Variants in BNC2 observed in about 807,000 individuals in gnomAD.
BNC2 encodes basonuclin zinc finger protein 2.
BNC2 carries 20 observed loss-of-function variants against 76.3 expected under a neutral mutation model. That is an observed-to-expected ratio of 0.26 (90% confidence interval 0.18 to 0.38). The LOEUF (loss-of-function observed/expected upper bound fraction) is 0.38, where lower values mean the gene tolerates loss of function less well. Ranked by LOEUF, BNC2 falls within the 10% of genes least tolerant of loss-of-function variation. BNC2 has a pLI of 1.00. For missense variants in BNC2, 1,382 were observed against 1,399.8 expected (o/e 0.99, Z 0.20); for synonymous variants, 582 against 514.8 (o/e 1.13, Z -1.77).
chr9:16,753,021 C>T (rs2135298831), intron 1 of BNC2, among the ~76,000 whole-genome samples: 1 of 152,240 alleles, frequency 6.6e-6, no homozygotes, highest in South Asian at 2.1e-4. Context: ...TATGAATATC[C>T]CAGGTCAAAT....
intron 1 of BNC2, among the ~76,000 whole-genome samples, chr9:16,858,191 T>A (rs922296155): frequency 3.3e-4 from 51 of 152,294 alleles, no homozygotes; most frequent in African/African-American, 1.2e-3. Context: ...CCCCCTTTCC[T>A]TTTGAGGTAT....
At chr9:16,578,450 C>G (rs963126179) in intron 4 of BNC2, among the ~76,000 whole-genome samples, 3 of 151,932 alleles carry the variant, frequency 2.0e-5, no homozygotes, top group East Asian at 1.9e-4. Context: ...ACAGCAAACT[C>G]CTATTGGTAA....
intron 1 of BNC2, chr9:16,867,878 G>C (rs1819580073): frequency 6.6e-6 from 1 of 152,156 alleles, no homozygotes; most frequent in Admixed American, 6.6e-5. Context: ...GACAGCACCA[G>C]GTCAGCGTGT....
intron 5 of BNC2, among the ~76,000 whole-genome samples, chr9:16,452,361 G>A (rs1751037663): frequency 6.6e-6 from 1 of 152,116 alleles, no homozygotes; most frequent in African/African-American, 2.4e-5. Flanking sequence ...GGCTTATGGA[G>A]TGAATAAATG....
rs1820607087 is a variant in BNC2 at position 16,417,373 on chromosome 9, T to G, written c.*1616A>C. On this transcript the variant is annotated 3_prime_UTR_variant, in exon 7 of 7. Transcript: ENST00000380672. ...TCTCCTCTTTCTCACTCTCAATTGC[T>G]TGGTTTCAGGCTTGCTTTCATTTCT... The G allele has an allele frequency of 6.6e-6, 1 of 152,342 alleles. No individual in the cohort carries two copies. Among genetic ancestry groups the G allele is most frequent in the Non-Finnish European group, 1.5e-5 (1 of 68,044 alleles). The allele number at this position is 152,342 out of a possible 1,614,324, so 9.4% of individuals were successfully genotyped here. A position where few individuals can be genotyped will look rare whatever the true frequency, so the allele number is the denominator to read the frequency against.
At chr9:16,664,264 C>A (rs1378048834) in intron 3 of BNC2, among the ~76,000 whole-genome samples, 1 of 152,162 alleles carries the variant, frequency 6.6e-6, no homozygotes, top group Non-Finnish European at 1.5e-5. Flanking sequence ...CTCCTTTCCA[C>A]GCCAGTCCTT....
chr9:16,516,462 T>C (rs1472380367), intron 5 of BNC2, among the ~76,000 whole-genome samples: 1 of 152,152 alleles, frequency 6.6e-6, no homozygotes, highest in African/African-American at 2.4e-5. Flanking sequence ...TGAGACCTTC[T>C]ATACCAACTG....
chr9:16,602,937 T>C (rs1820283779), intron 3 of BNC2, among the ~76,000 whole-genome samples: 2 of 152,222 alleles, frequency 1.3e-5, no homozygotes, highest in Admixed American at 6.5e-5. Context: ...CTAAATACTT[T>C]AGAAATAGAA....
chr9:16,836,184 C>A (rs138817099), intron 1 of BNC2, among the ~76,000 whole-genome samples: 12 of 152,288 alleles, frequency 7.9e-5, no homozygotes, highest in East Asian at 1.9e-4. Context: ...GGAAGACCAA[C>A]GGCATGGCTT....
intron 5 of BNC2, among the ~76,000 whole-genome samples, chr9:16,502,477 A>G (rs1041304940): frequency 6.6e-6 from 1 of 152,190 alleles, no homozygotes; most frequent in Admixed American, 6.5e-5. Context: ...AACATTCCAT[A>G]GAATAAATGG....
At chr9:16,435,144 A>C (rs1326212752) in intron 6 of BNC2, 2 of 440,862 alleles carry the variant, frequency 4.5e-6, no homozygotes, top group Non-Finnish European at 9.3e-6. Flanking sequence ...ATACTGATTT[A>C]ATTAAAAAGC....
chr9:16,870,652 G>A lies in BNC2; in HGVS notation c.-4C>T. The A allele has an allele frequency of 1.9e-6, 3 of 1,611,028 alleles. No homozygotes were observed. Among genetic ancestry groups the A allele is most frequent in the African/African-American group, 1.3e-5 (1 of 74,480 alleles). On this transcript the variant is annotated 5_prime_UTR_variant, in exon 1 of 7. Coordinates refer to ENST00000380672, the MANE Select transcript of BNC2 (RefSeq NM_017637.6). ...GAGGGTGGAAACTTCTTACCATCTC[G>A]GCATGCTGGTTGTCAAGTGCAGCCC...
intron 1 of BNC2, among the ~76,000 whole-genome samples, chr9:16,768,202 G>A (rs893646838): frequency 3.3e-5 from 5 of 151,948 alleles, no homozygotes; most frequent in Admixed American, 6.6e-5. Context: ...CTGACCTCAC[G>A]TGATCCACCC....
At chr9:16,822,944 G>C (rs1453241870) in intron 1 of BNC2, among the ~76,000 whole-genome samples, 1 of 152,052 alleles carries the variant, frequency 6.6e-6, no homozygotes, top group Non-Finnish European at 1.5e-5. Flanking sequence ...TTTAGGAAGT[G>C]CCCCCTTCAA....
At chr9:16,722,844 T>C (rs1390665843) in intron 3 of BNC2, among the ~76,000 whole-genome samples, 1 of 152,218 alleles carries the variant, frequency 6.6e-6, no homozygotes, top group Admixed American at 6.5e-5. Context: ...GTATCTCTTA[T>C]GTGAAGTCTG....
At chr9:16,451,603 C>G (rs76521713) in intron 5 of BNC2, among the ~76,000 whole-genome samples, 1 of 152,132 alleles carries the variant, frequency 6.6e-6, no homozygotes, top group Non-Finnish European at 1.5e-5. Context: ...CTGAACACTA[C>G]AAAATCTCAC....
intron 1 of BNC2, among the ~76,000 whole-genome samples, chr9:16,808,382 T>C (rs542899717): frequency 6.9e-4 from 104 of 151,702 alleles, no homozygotes; most frequent in African/African-American, 2.5e-3. Flanking sequence ...AATTAAAAGT[T>C]AGAGGTAGAG....
intron 1 of BNC2, among the ~76,000 whole-genome samples, chr9:16,781,332 TTTA>T (rs901445205): frequency 4.0e-5 from 6 of 151,776 alleles, no homozygotes; most frequent in African/African-American, 1.5e-4. Flanking sequence ...AGGCTATAAC[TTTA>T]TTATTATTAT....
chr9:16,542,564 G>A (rs541767557), intron 5 of BNC2, among the ~76,000 whole-genome samples: 34 of 152,166 alleles, frequency 2.2e-4, no homozygotes, highest in Non-Finnish European at 4.0e-4. Flanking sequence ...TAAGGCTATC[G>A]GCAACAAATG....
Sources: allele counts gnomAD v4.1 joint callset (sites outside exome capture counted in the v4.1 genomes callset), GRCh38; gene constraint gnomAD v4.1.1; transcripts MANE v1.5; gene names NCBI Gene and HGNC (gene_info 2026-07-23, HGNC 2026-07-21).